ITGA7: variants seen among roughly 807,000 people sequenced by gnomAD.
ITGA7 encodes integrin subunit alpha 7.
In ITGA7, 84 loss-of-function variants were observed where a neutral mutation model predicts 131.6. That is an observed-to-expected ratio of 0.64 (90% CI 0.54 to 0.77). The LOEUF (loss-of-function observed/expected upper bound fraction) is 0.77. Ranked by LOEUF, ITGA7 falls within the 30% of genes least tolerant of loss-of-function variation. The probability of loss-of-function intolerance (pLI) is 0.00; values close to 1 mark genes in which losing one functional copy is unlikely to be tolerated. For synonymous variants in ITGA7, 548 were observed against 600.7 expected, an observed-to-expected ratio of 0.91 and a Z score of 1.28; for missense variants, 1,399 against 1,482.9, an observed-to-expected ratio of 0.94 and a Z score of 0.93.
At chr12:55,712,990 T>C (rs1876243057), upstream of ITGA7, among the ~76,000 whole-genome samples, 1 of 152,186 alleles carries the variant, frequency 6.6e-6, no homozygotes, top group Non-Finnish European at 1.5e-5. Context: ...CTCCCTGAGT[T>C]GGCCTAATCT....
intron 24 of ITGA7, chr12:55,686,161 TACCC>T: frequency 8.8e-7 from 1 of 1,130,520 alleles, no homozygotes; most frequent in Non-Finnish European, 1.2e-6. Context: ...CACACATACA[TACCC>T]ACACACACTA....
At chr12:55,686,909 T>A (rs1372139009) in intron 24 of ITGA7, among the ~76,000 whole-genome samples, 1 of 152,262 alleles carries the variant, frequency 6.6e-6, no homozygotes, top group East Asian at 1.9e-4. Flanking sequence ...TTAAGTCAGA[T>A]CACACTTCTC....
intron 3 of ITGA7, 24 bp downstream of exon 3, chr12:55,702,844 GCATT>G (rs747984347): frequency 1.7e-4 from 268 of 1,570,494 alleles, no homozygotes; most frequent in Non-Finnish European, 2.2e-4. Flanking sequence ...CCCCATCCGT[GCATT>G]CAGTCATGAG....
At position 55,696,885 on chromosome 12, in the gene ITGA7, G is replaced by C; in HGVS notation, c.1737+14C>G. 6.2e-7 allele frequency: 1 copy of C among 1,613,994 alleles called. No homozygotes were observed. The highest frequency in any genetic ancestry group is 2.2e-5 in the East Asian group (1 of 44,888). Reference sequence around the variant, plus strand: ...ATGAAAATGACCCTCAGAAGCCAAGGGGTCAGTGTCCACCTGGAGCTGGAA... The same window carrying C: ...ATGAAAATGACCCTCAGAAGCCAAGCGGTCAGTGTCCACCTGGAGCTGGAA... On this transcript the variant is annotated intron_variant, in intron 12 of 24. Coordinates refer to ENST00000257879, the MANE Select transcript of ITGA7 (RefSeq NM_002206.3).
At chr12:55,695,009 C>T in intron 14 of ITGA7, 39 bp from the exon 15 acceptor site, 2 of 1,588,300 alleles carry the variant, frequency 1.3e-6, no homozygotes, top group East Asian at 2.2e-5. Context: ...GTTCTGAACA[C>T]CTCCCCCTAC....
At chr12:55,714,544 G>A (rs1565650478), upstream of ITGA7, among the ~76,000 whole-genome samples, 1 of 137,716 alleles carries the variant, frequency 7.3e-6, no homozygotes, top group Non-Finnish European at 1.5e-5. Flanking sequence ...AAATTAGTCA[G>A]GTGTGGTGGC....
upstream of ITGA7, chr12:55,712,020 C>T (rs777908038): frequency 1.4e-5 from 21 of 1,480,704 alleles, no homozygotes; most frequent in African/African-American, 1.4e-4. Context: ...CAGGCTTTTC[C>T]GTCCCAACAT....
intron 4 of ITGA7, chr12:55,700,644 G>A: frequency 1.6e-6 from 1 of 637,376 alleles, no homozygotes; most frequent in Non-Finnish European, 2.7e-6. Flanking sequence ...GTTGGAGCAT[G>A]CAGGCCCCAG....
rs145418179 is a variant in ITGA7, at chr12:55,707,534, C to T, written c.149G>A (p.Ser50Asn). The change falls in exon 1 of 25, where the codon AGC (serine) becomes AAC (asparagine). Residue 50 changes from serine (S) to asparagine (N), a missense_variant. Transcript: ENST00000257879. ...CAGGGCCACAGAGAAGCCGAAGAGG[C>T]TGCCTGGCTCGCCCTCCTTGCGCAA... ...GALRKEGEPG[S>N]LFGFSVALHR... The T allele has an allele frequency of 1.2e-6, 2 of 1,613,898 alleles. No homozygotes were observed. Among genetic ancestry groups the T allele is most frequent in the African/African-American group, 2.7e-5 (2 of 74,910 alleles).
chr12:55,707,487 G>T lies in ITGA7; in HGVS notation c.196C>A (p.Pro66Thr), dbSNP rs991095405. ...GGTGCGGTGACTCACCAGCTCTGGG[G>T]TCGGGGCTGCAACTGCCGGTGCAGG... ...VALHRQLQPR[P>T]QSWLLVGAPQ... The change falls in exon 1 of 25, where the codon CCC becomes ACC. Residue 66 changes from proline to threonine, a missense_variant. Physicochemically the swap from Pro to Thr is conservative, Grantham distance 38. Coordinates refer to ENST00000257879, the MANE Select transcript of ITGA7 (RefSeq NM_002206.3). 3 of 1,613,344 alleles carry T rather than the reference G, an allele frequency of 1.9e-6. No individual in the cohort carries two copies. The highest frequency in any genetic ancestry group is 2.2e-5 in the East Asian group (1 of 44,882).
intron 21 of ITGA7, among the ~76,000 whole-genome samples, chr12:55,691,343 T>A (rs1470987282): frequency 6.6e-6 from 1 of 151,734 alleles, no homozygotes; most frequent in African/African-American, 2.4e-5. Context: ...ATGGAGGAGA[T>A]GGTGGTCAAA....
In ITGA7 at chr12:55,694,209, C is replaced by T; in HGVS notation, c.2432+47G>A. On this transcript the variant is annotated intron_variant, in intron 18 of 24. Transcript: ENST00000257879. This position sits in a 1 kb window ranked among gnomAD's most constrained non-coding sequence, Gnocchi z 5.3. ...GGCCCTGGCCAAGGTTTGGAAATGT[C>T]AATGCCCCCTCCCTCCAATGGAGGT... 1.2e-6 allele frequency: 2 copies of T among 1,612,990 alleles called. No homozygotes were observed. The highest frequency in any genetic ancestry group is 1.7e-6 in the Non-Finnish European group (2 of 1,178,970).
In ITGA7 at chr12:55,684,621, T is replaced by G; in HGVS notation, c.*437A>C. 5.4e-6 allele frequency: 1 copy of G among 186,778 alleles called. No individual in the cohort carries two copies. The highest frequency in any genetic ancestry group is 1.1e-5 in the Non-Finnish European group (1 of 89,810). The allele number at this position is 186,778 out of a possible 1,614,324, so 11.6% of individuals were successfully genotyped here. On this transcript the variant is annotated 3_prime_UTR_variant, in exon 25 of 25. Transcript: ENST00000257879. The stretch of plus-strand genomic sequence containing the variant: ...AGACGAAACCACGAAACCACTAGAC[T>G]GATGGCAGCAAACTAAGGTCAGATG...
chr12:55,715,797 C>G, upstream of ITGA7: 1 of 420,298 alleles, frequency 2.4e-6, no homozygotes, highest in Non-Finnish European at 4.2e-6. Context: ...AGCTTCTGCT[C>G]CCTCAATTAA....
chr12:55,715,350 G>T (rs939123164), upstream of ITGA7, among the ~76,000 whole-genome samples: 1 of 152,136 alleles, frequency 6.6e-6, no homozygotes, highest in Non-Finnish European at 1.5e-5. Context: ...TGCACCGAGA[G>T]AGATTGTACC....
Position 55,696,377 on chromosome 12 carries a change from T to A in ITGA7, c.1793A>T (p.Gln598Leu), listed in dbSNP as rs145147670. 6.3e-7 allele frequency: 1 copy of A among 1,597,760 alleles called. No individual in the cohort carries two copies. Among genetic ancestry groups the A allele is most frequent in the African/African-American group, 1.3e-5 (1 of 74,754 alleles). The change falls in exon 13 of 25, where the codon CAG becomes CTG. Residue 598 changes from glutamine (Q) to leucine (L), a missense_variant. Coordinates refer to ENST00000257879, the MANE Select transcript of ITGA7 (RefSeq NM_002206.3). ...AGCCTGTCGCCGGAGCCGAGGGGTC[T>A]GGAGACTGTAGGACAAGGTCACTAC... ...AIVVTLSYSL[Q>L]TPRLRRQAPG...
Position 55,699,892 on chromosome 12 carries a change from G to T in ITGA7, c.768C>A (p.Asp256Glu). 1 of 1,611,254 alleles carries T rather than the reference G, an allele frequency of 6.2e-7. No homozygotes were observed. The highest frequency in any genetic ancestry group is 8.5e-7 in the Non-Finnish European group (1 of 1,178,978). Residue 256 changes from aspartate (D) to glutamate (E), a missense_variant, in exon 5 of 25, where the codon GAC (aspartate) becomes GAA (glutamate). Asp to Glu is a conservative substitution (Grantham distance 45). Coordinates refer to ENST00000257879, the MANE Select transcript of ITGA7 (RefSeq NM_002206.3). Reference sequence around the variant, plus strand: ...AACCTAAGTAGCTATTGAGGGCCAAGTCTCCGGCTGGTCCTGGGAGCCGGT... The same window carrying T: ...AACCTAAGTAGCTATTGAGGGCCAATTCTCCGGCTGGTCCTGGGAGCCGGT... ...PADRLPGPAG[D>E]LALNSYLGFS...
upstream of ITGA7, among the ~76,000 whole-genome samples, chr12:55,710,126 C>T (rs1443818646): frequency 1.3e-5 from 2 of 152,018 alleles, no homozygotes; most frequent in African/African-American, 2.4e-5. Context: ...TTTGGGAGGC[C>T]GAAGCAGGCG....
In ITGA7 at chr12:55,694,738, C is replaced by G. The variant is rs761321514; in HGVS notation, c.2196+40G>C. ...GCAAGGTCAGTCTGGGTTACTGGAG[C>G]CCCTCAAGACCCCACCCCATCCTGC... On this transcript the variant is annotated intron_variant, in intron 15 of 24. Transcript: ENST00000257879. This position sits in a 1 kb window ranked among gnomAD's most constrained non-coding sequence, Gnocchi z 5.3. 1 of 1,613,824 alleles carries G rather than the reference C, an allele frequency of 6.2e-7. No homozygotes were observed. Among genetic ancestry groups the G allele is most frequent in the Non-Finnish European group, 8.5e-7 (1 of 1,179,762 alleles).
Sources: allele counts gnomAD v4.1 joint callset (sites outside exome capture counted in the v4.1 genomes callset), GRCh38; gene constraint gnomAD v4.1.1; non-coding constraint Gnocchi (gnomAD v3.1); transcripts MANE v1.5; gene names NCBI Gene and HGNC (gene_info 2026-07-23, HGNC 2026-07-21).